The following RBFOX1 variants were observed in gnomAD, a reference collection of about 807,000 sequenced individuals.
RBFOX1 encodes RNA binding fox-1 homolog 1, also known as RNA binding protein fox-1 homolog 1.
A neutral mutation model predicts 57.7 loss-of-function variants in RBFOX1; 8 were observed. The ratio of observed to expected loss-of-function variants is 0.14; its 90% CI spans 0.08 to 0.25. The LOEUF (loss-of-function observed/expected upper bound fraction) is 0.25. RBFOX1 is among the 10% of genes least tolerant of loss of function. The pLI is 1.00. For synonymous variants in RBFOX1, 326 were observed against 222.4 expected, an observed-to-expected ratio of 1.47 and a Z score of -4.15; for missense variants, 611 against 548.5, an observed-to-expected ratio of 1.11 and a Z score of -1.14.
intron 3 of RBFOX1, among the ~76,000 whole-genome samples, chr16:5,648,159 C>T (rs1318857474): frequency 6.6e-6 from 1 of 152,186 alleles, no homozygotes; most frequent in East Asian, 1.9e-4. Context: ...TGCACCTGGC[C>T]ACCTTGTAGG....
intron 2 of RBFOX1, among the ~76,000 whole-genome samples, chr16:6,321,839 A>T (rs2081840715): frequency 6.6e-6 from 1 of 152,216 alleles, no homozygotes; most frequent in Admixed American, 6.5e-5. Context: ...ATTCGTCTTC[A>T]AAGCTTTCAC....
rs1458453705 is a variant in RBFOX1 at position 7,712,178 on chromosome 16, A to G, written c.*1433A>G. On this transcript the variant is annotated 3_prime_UTR_variant, in exon 16 of 16. Transcript: ENST00000550418. ...TTCCACGTTGTCCTGTTTACAAGTT[A>G]ACTTAAGTTGGGGTATCCGTCACGG... 4 of 152,594 alleles carry G rather than the reference A, an allele frequency of 2.6e-5. No individual in the cohort carries two copies. Among genetic ancestry groups the G allele is most frequent in the Admixed American group, 2.6e-4 (4 of 15,272 alleles). The allele number at this position is 152,594 out of a possible 1,614,324, so 9.5% of individuals were successfully genotyped here.
intron 4 of RBFOX1, among the ~76,000 whole-genome samples, chr16:7,210,526 C>T (rs1404318648): frequency 6.6e-6 from 1 of 152,162 alleles, no homozygotes; most frequent in Non-Finnish European, 1.5e-5. Context: ...CACAGCAATA[C>T]CTAAATTAAC....
chr16:6,825,792 G>T (rs1011978212), intron 3 of RBFOX1, among the ~76,000 whole-genome samples: 2 of 152,166 alleles, frequency 1.3e-5, no homozygotes, highest in Admixed American at 6.5e-5. Context: ...TGAAAGGTAA[G>T]GGTGGAGACA....
At chr16:7,529,773 C>T (rs2079555124) in intron 5 of RBFOX1, among the ~76,000 whole-genome samples, 1 of 152,220 alleles carries the variant, frequency 6.6e-6, no homozygotes, top group Admixed American at 6.5e-5. Flanking sequence ...CTTTGGGAGG[C>T]TGAGACGGGC....
At chr16:6,785,238 C>A (rs1049035416) in intron 3 of RBFOX1, among the ~76,000 whole-genome samples, 1 of 152,032 alleles carries the variant, frequency 6.6e-6, no homozygotes, top group African/African-American at 2.4e-5. Context: ...CCAGTCCGTT[C>A]GTAACTAACA....
At chr16:6,038,487 C>A (rs2095396101) in intron 1 of RBFOX1, 1 of 147,052 alleles carries the variant, frequency 6.8e-6, no homozygotes, top group African/African-American at 2.5e-5. Flanking sequence ...CTGCCCCAAG[C>A]TATATGTACA....
chr16:7,403,866 G>A (rs918866245), intron 4 of RBFOX1, among the ~76,000 whole-genome samples: 3 of 150,910 alleles, frequency 2.0e-5, no homozygotes, highest in Non-Finnish European at 3.0e-5. Flanking sequence ...CTTAATAGAT[G>A]AATAATATTC....
intron 2 of RBFOX1, among the ~76,000 whole-genome samples, chr16:6,373,433 T>G (rs2090759642): frequency 6.6e-6 from 1 of 151,526 alleles, no homozygotes; most frequent in South Asian, 2.1e-4. Flanking sequence ...TGGGTGGAAG[T>G]ATAACTGGAT....
intron 4 of RBFOX1, among the ~76,000 whole-genome samples, chr16:7,340,158 G>A (rs987595443): frequency 2.8e-4 from 42 of 152,186 alleles, no homozygotes; most frequent in African/African-American, 8.9e-4. Flanking sequence ...GACTATGAAC[G>A]GAGGCCAGAT....
chr16:6,786,983 C>G (rs1245417821), intron 3 of RBFOX1, among the ~76,000 whole-genome samples: 1 of 152,038 alleles, frequency 6.6e-6, no homozygotes, highest in Non-Finnish European at 1.5e-5. Context: ...CTGCACAGGT[C>G]ACCCATCTCA....
chr16:6,413,080 G>C (rs2093513668), intron 2 of RBFOX1, among the ~76,000 whole-genome samples: 1 of 152,162 alleles, frequency 6.6e-6, no homozygotes, highest in African/African-American at 2.4e-5. Context: ...AGCACTTTGG[G>C]AGGCCAAGGC....
chr16:5,707,293 A>G (rs2051287196), intron 3 of RBFOX1, among the ~76,000 whole-genome samples: 1 of 152,176 alleles, frequency 6.6e-6, no homozygotes, highest in Non-Finnish European at 1.5e-5. Context: ...TGTTTGGGAG[A>G]AAGAAAATTG....
intron 3 of RBFOX1, among the ~76,000 whole-genome samples, chr16:5,783,974 T>G (rs2054411029): frequency 6.6e-6 from 1 of 152,206 alleles, no homozygotes; most frequent in Admixed American, 6.5e-5. Flanking sequence ...CATCCATTCT[T>G]ACCTTGCTGT....
intron 3 of RBFOX1, among the ~76,000 whole-genome samples, chr16:6,832,643 C>T (rs1014470708): frequency 6.6e-6 from 1 of 152,152 alleles, no homozygotes; most frequent in South Asian, 2.1e-4. Context: ...TGCCTCCTTG[C>T]TGCCATGCCT....
At chr16:6,059,413 G>A (rs535949860) in intron 1 of RBFOX1, among the ~76,000 whole-genome samples, 42 of 152,080 alleles carry the variant, frequency 2.8e-4, no homozygotes, top group Non-Finnish European at 3.7e-4. Context: ...ATTATTGCAC[G>A]CAATATAAAC....
intron 3 of RBFOX1, among the ~76,000 whole-genome samples, chr16:6,947,957 T>G (rs1028630035): frequency 6.6e-6 from 1 of 151,918 alleles, no homozygotes. Context: ...TTGTATTTTT[T>G]AAATAGAGAC....
At chr16:7,081,129 G>A (rs1289959276) in intron 4 of RBFOX1, among the ~76,000 whole-genome samples, 4 of 152,170 alleles carry the variant, frequency 2.6e-5, no homozygotes, top group Admixed American at 2.6e-4. Flanking sequence ...CCACCTCCCA[G>A]GTTGAAGCGA....
Position 7,686,489 on chromosome 16 carries a change from G to A in RBFOX1, c.995+9651G>A, listed in dbSNP as rs531415042. Among the ~76,000 whole-genome samples, 13 of 152,140 alleles carry A rather than the reference G, an allele frequency of 8.5e-5. No individual in the cohort carries two copies. The South Asian group carries it at 1.7e-3, about 19-fold the overall frequency. On this transcript the variant is annotated intron_variant, in intron 14 of 15. Coordinates refer to ENST00000550418, the MANE Select transcript of RBFOX1 (RefSeq NM_018723.4). ...TAAACCCAGCCTTCGAACTATCACC[G>A]CTTTGGATTTTTGTAAAACCAATTG...
Sources: gnomAD v4.1 joint callset for allele counts (sites outside exome capture counted in the v4.1 genomes callset) on GRCh38, gnomAD v4.1.1 for gene constraint, MANE v1.5 for transcripts, NCBI Gene and HGNC (gene_info 2026-07-23, HGNC 2026-07-21) for gene names.